The following ITGB5 variants were observed in gnomAD, a reference collection of about 807,000 sequenced individuals.
The protein encoded by ITGB5 is integrin beta-5.
Under a neutral mutation model 84.8 loss-of-function variants are expected in ITGB5, and 38 were observed. The observed-to-expected ratio is 0.45, with a 90% CI of 0.35 to 0.59. The LOEUF is 0.59. ITGB5 is among the 20% of genes least tolerant of loss of function. The probability of loss-of-function intolerance (pLI) is 0.01; values close to 1 mark genes in which losing one functional copy is unlikely to be tolerated. For synonymous variants in ITGB5, 393 were observed against 414.4 expected, an observed-to-expected ratio of 0.95 and a Z score of 0.63; for missense variants, 905 against 1,034.5, an observed-to-expected ratio of 0.87 and a Z score of 1.72.
chr3:124,834,697 C>G (rs905465276), intron 5 of ITGB5, among the ~76,000 whole-genome samples: 1 of 151,650 alleles, frequency 6.6e-6, no homozygotes, highest in African/African-American at 2.4e-5. Flanking sequence ...AGGAAGGAAG[C>G]AAGCAAGCAA....
rs753948644 is a variant in ITGB5 at position 124,819,750 on chromosome 3, T to C, written c.1027A>G (p.Met343Val). 2 of 1,609,516 alleles carry C rather than the reference T, an allele frequency of 1.2e-6. No individual in the cohort carries two copies. Among genetic ancestry groups the C allele is most frequent in the South Asian group, 1.1e-5 (1 of 90,990 alleles). Residue 343 changes from methionine to valine, a missense_variant, in exon 7 of 15, where the codon ATG becomes GTG. Around this residue, in one of 3 missense-constraint regions of ITGB5, gnomAD observed 656 missense variants for 734.7 expected, o/e 0.89. Transcript: ENST00000296181. The part of the protein sequence containing the change: ...LIFAVTKNHY[M>V]LYKNFTALIP... Reference sequence around the variant, plus strand: ...CCCTCCCAGCATACCTTGTACAGCATATAATGGTTTTTTGTCACTGCAAAG... The same window carrying C: ...CCCTCCCAGCATACCTTGTACAGCACATAATGGTTTTTTGTCACTGCAAAG...
At chr3:124,797,444 T>C (rs1559938507) in intron 9 of ITGB5, among the ~76,000 whole-genome samples, 1 of 151,436 alleles carries the variant, frequency 6.6e-6, no homozygotes, top group African/African-American at 2.4e-5. Context: ...TCTTTCACAA[T>C]CCCCCCATGC....
At chr3:124,865,383 T>C (rs2065371016) in intron 2 of ITGB5, among the ~76,000 whole-genome samples, 2 of 151,930 alleles carry the variant, frequency 1.3e-5, no homozygotes, top group Admixed American at 6.6e-5. Flanking sequence ...AAACAAAGCA[T>C]TGATCCCTGG....
intron 3 of ITGB5, among the ~76,000 whole-genome samples, 175 bp from the exon 4 acceptor site, chr3:124,848,733 A>C (rs904219210): frequency 2.6e-5 from 4 of 152,158 alleles, no homozygotes; most frequent in African/African-American, 7.2e-5. Context: ...CTGAGAATGG[A>C]GGCCTGGGTT....
chr3:124,843,999 C>A (rs562784478), intron 4 of ITGB5, among the ~76,000 whole-genome samples: 4 of 152,198 alleles, frequency 2.6e-5, no homozygotes, highest in Admixed American at 1.3e-4. Flanking sequence ...ATCAAGCTGA[C>A]ATGGAAAGGC....
rs888461783 is a variant in ITGB5, at chr3:124,892,807, C to T, written c.-255+8459G>A. 4.6e-5 allele frequency among the ~76,000 whole-genome samples: 7 copies of T among 151,746 alleles called. No individual in the cohort carries two copies. The East Asian group carries it at 1.4e-3, about 29-fold the overall frequency. ...ATCAGATTCGTTAAGTTTCCTGTTT[C>T]ACAATTCAGATTTACCAACTCCCAA... On this transcript the variant is annotated intron_variant, in intron 1 of 4. Coordinates refer to the ITGB5 transcript ENST00000608657.
chr3:124,803,705 G>A (rs1190628079), intron 9 of ITGB5, among the ~76,000 whole-genome samples: 1 of 152,212 alleles, frequency 6.6e-6, no homozygotes, highest in Admixed American at 6.5e-5. Flanking sequence ...TGGTGCAGGG[G>A]GGCTCAGTCA....
At chr3:124,856,792 G>A (rs1051439196) in intron 3 of ITGB5, among the ~76,000 whole-genome samples, 2 of 152,158 alleles carry the variant, frequency 1.3e-5, no homozygotes, top group African/African-American at 2.4e-5. Context: ...TCCAAACCCT[G>A]GACCCTGAGT....
chr3:124,820,713 C>T (rs2064687952), intron 6 of ITGB5, among the ~76,000 whole-genome samples: 2 of 152,166 alleles, frequency 1.3e-5, no homozygotes, highest in South Asian at 4.1e-4. Flanking sequence ...ATTGTTGGGT[C>T]TGGGTGATGG....
upstream of ITGB5, among the ~76,000 whole-genome samples, chr3:124,889,616 TC>T (rs1244301922): frequency 6.6e-6 from 1 of 152,214 alleles, no homozygotes; most frequent in Middle Eastern, 3.2e-3. Flanking sequence ...AAAACGCTTG[TC>T]CCTAAACATT....
At chr3:124,817,973 G>GT (rs1403496494) in intron 7 of ITGB5, among the ~76,000 whole-genome samples, 1 of 152,136 alleles carries the variant, frequency 6.6e-6, no homozygotes. Context: ...AAAAGATAAT[G>GT]TCTTGAGACC....
chr3:124,890,447 C>T (rs1181144770), upstream of ITGB5, among the ~76,000 whole-genome samples: 3 of 151,872 alleles, frequency 2.0e-5, no homozygotes, highest in Non-Finnish European at 4.4e-5. Flanking sequence ...CCTCATGATC[C>T]GCCCGCCTCG....
upstream of ITGB5, chr3:124,887,839 C>T (rs1934901814): frequency 3.6e-6 from 1 of 274,966 alleles, no homozygotes; most frequent in South Asian, 2.9e-5. Flanking sequence ...CGCGTGGAAC[C>T]GCAAAGCGAC....
chr3:124,874,801 T>A (rs549677119), intron 1 of ITGB5, among the ~76,000 whole-genome samples: 1 of 152,170 alleles, frequency 6.6e-6, no homozygotes, highest in Non-Finnish European at 1.5e-5. Context: ...CAGATATCCA[T>A]ATACAGAAGA....
intron 5 of ITGB5, among the ~76,000 whole-genome samples, chr3:124,825,359 A>G (rs1431334768): frequency 6.6e-6 from 1 of 152,222 alleles, no homozygotes; most frequent in East Asian, 1.9e-4. Flanking sequence ...TTTACCCAAA[A>G]GAAATTAAAC....
chr3:124,868,528 C>G (rs2065427134), intron 2 of ITGB5, among the ~76,000 whole-genome samples: 1 of 150,616 alleles, frequency 6.6e-6, no homozygotes, highest in Non-Finnish European at 1.5e-5. Flanking sequence ...TGTCTGTAAT[C>G]CCAGCACACT....
intron 2 of ITGB5, among the ~76,000 whole-genome samples, chr3:124,868,488 G>A (rs2065426701): frequency 6.6e-6 from 1 of 151,938 alleles, no homozygotes; most frequent in African/African-American, 2.4e-5. Context: ...GTGAGAAAAT[G>A]AAGGCAAGAG....
At chr3:124,787,502 G>C (rs1397159108) in intron 10 of ITGB5, 1 of 152,204 alleles carries the variant, frequency 6.6e-6, no homozygotes, top group East Asian at 1.9e-4. Flanking sequence ...GAAAATTCCA[G>C]GGGCAATAAA....
intron 5 of ITGB5, among the ~76,000 whole-genome samples, chr3:124,836,804 T>G (rs2064941222): frequency 6.6e-6 from 1 of 152,194 alleles, no homozygotes. Flanking sequence ...TCTCAATTCC[T>G]GCCAAAAAAA....
Sources: allele counts gnomAD v4.1 joint callset (sites outside exome capture counted in the v4.1 genomes callset), GRCh38; gene constraint gnomAD v4.1.1; regional missense constraint gnomAD v4.1.1; transcripts MANE v1.5; gene names NCBI Gene and HGNC (gene_info 2026-07-23, HGNC 2026-07-21).